VPS13C: variants seen among roughly 807,000 people sequenced by gnomAD.
VPS13C encodes the protein vacuolar protein sorting 13 homolog C, also known as intermembrane lipid transfer protein VPS13C.
A neutral mutation model predicts 456.8 loss-of-function variants in VPS13C; 358 were observed. The observed-to-expected ratio is 0.78, with a 90% CI of 0.72 to 0.86. The LOEUF (loss-of-function observed/expected upper bound fraction) is 0.86. VPS13C is among the 40% of genes least tolerant of loss of function. VPS13C has a pLI of 0.00. For missense variants in VPS13C, 4,818 were observed against 4,385.4 expected (o/e 1.10, Z -2.79); for synonymous variants, 1,578 against 1,486.7 (o/e 1.06, Z -1.41).
chr15:61,939,595 C>T (rs1438220126), intron 47 of VPS13C, among the ~76,000 whole-genome samples: 1 of 152,228 alleles, frequency 6.6e-6, no homozygotes, highest in Non-Finnish European at 1.5e-5. Flanking sequence ...CAGTTTCACA[C>T]ATAGGCACAC....
intron 79 of VPS13C, among the ~76,000 whole-genome samples, chr15:61,869,859 C>A (rs957386708): frequency 6.6e-6 from 1 of 152,166 alleles, no homozygotes; most frequent in African/African-American, 2.4e-5. Flanking sequence ...ACTCTGGGGG[C>A]GGGGCCAGCA....
At chr15:61,955,341 G>C (rs1007378964) in intron 37 of VPS13C, among the ~76,000 whole-genome samples, 1 of 152,008 alleles carries the variant, frequency 6.6e-6, no homozygotes, top group African/African-American at 2.4e-5. Flanking sequence ...GCTCAGTGTC[G>C]CACAAATGGC....
intron 3 of VPS13C, among the ~76,000 whole-genome samples, chr15:62,038,811 G>C (rs8040911): frequency 0.084 from 12,818 of 151,832 alleles, 1,182 homozygotes; most frequent in African/African-American, 0.23. Flanking sequence ...ACATTTCTCA[G>C]AATAAGAAAT....
Position 61,854,538 on chromosome 15 carries a change from C to A in VPS13C, c.11181G>T (p.Glu3727Asp). Residue 3727 changes from glutamate (E) to aspartate (D), a missense_variant, in exon 85 of 85, where the codon GAG becomes GAT. This residue lies in a region of VPS13C where 261 missense variants were observed against 234.1 expected (regional missense o/e 1.11). Transcript: ENST00000644861. ...ATAERACNAI[E>D]DAQSTRQQQK... The stretch of plus-strand genomic sequence containing the variant: ...GCTGCTGTCTCGTTGACTGTGCATC[C>A]TCAATGGCATTACATGCTCTCTGTA... The A allele has an allele frequency of 3.7e-6, 6 of 1,614,020 alleles. No homozygotes were observed. Among genetic ancestry groups the A allele is most frequent in the Non-Finnish European group, 5.1e-6 (6 of 1,179,962 alleles).
At chr15:62,012,866 C>G (rs142097667) in intron 11 of VPS13C, among the ~76,000 whole-genome samples, 173 bp downstream of exon 11, 307 of 152,012 alleles carry the variant, frequency 2.0e-3, no homozygotes, top group African/African-American at 6.9e-3. Context: ...AAAAACAAAA[C>G]TGCTTTTGTG....
intron 38 of VPS13C, among the ~76,000 whole-genome samples, chr15:61,952,299 A>C (rs1357236207): frequency 6.6e-6 from 1 of 152,188 alleles, no homozygotes; most frequent in Non-Finnish European, 1.5e-5. Context: ...GTAGGATATG[A>C]GGCAGCATCC....
chr15:62,046,108 T>C (rs2048393101), intron 1 of VPS13C, among the ~76,000 whole-genome samples: 1 of 151,782 alleles, frequency 6.6e-6, no homozygotes, highest in African/African-American at 2.4e-5. Context: ...AAAACTATAA[T>C]AAAGGAAGAA....
chr15:62,029,806 C>G (rs1407058675), intron 5 of VPS13C, among the ~76,000 whole-genome samples: 8 of 152,074 alleles, frequency 5.3e-5, no homozygotes, highest in Non-Finnish European at 2.9e-5. Flanking sequence ...TTTAACCTAG[C>G]ATTCTATCCC....
At position 61,896,172 on chromosome 15, in the gene VPS13C, G is replaced by C. The variant is rs183559078; in HGVS notation, c.9106-5772C>G. Among the ~76,000 whole-genome samples the C allele has an allele frequency of 1.4e-4, 21 of 152,214 alleles. No individual in the cohort carries two copies. The East Asian group carries it at 3.9e-3, about 28-fold the overall frequency. ...CAATAATAAAAAGTCTTCCCTCAAA[G>C]AAAAGCCAAGGACCTGATGGCTTCA... On this transcript the variant is annotated intron_variant, in intron 66 of 84. Transcript: ENST00000644861.
At chr15:61,995,632 T>C (rs1740023383) in intron 16 of VPS13C, among the ~76,000 whole-genome samples, 1 of 152,188 alleles carries the variant, frequency 6.6e-6, no homozygotes, top group African/African-American at 2.4e-5. Context: ...CTGAAGATGA[T>C]ATTTAGAAGC....
intron 15 of VPS13C, among the ~76,000 whole-genome samples, chr15:62,006,286 G>T (rs889398025): frequency 6.6e-6 from 1 of 151,982 alleles, no homozygotes; most frequent in Non-Finnish European, 1.5e-5. Flanking sequence ...CCCGGTGTGT[G>T]ATGTTCCCCT....
At chr15:61,958,115 G>T (rs1321673999) in intron 37 of VPS13C, among the ~76,000 whole-genome samples, 1 of 151,854 alleles carries the variant, frequency 6.6e-6, no homozygotes, top group Admixed American at 6.6e-5. Context: ...TTTTCTTTAA[G>T]TCAAAAGGGC....
chr15:62,004,451 T>C (rs1295353903), intron 15 of VPS13C, among the ~76,000 whole-genome samples: 2 of 151,610 alleles, frequency 1.3e-5, no homozygotes, highest in Admixed American at 6.6e-5. Context: ...ATCAATTTTG[T>C]TGATCCTTTC....
chr15:61,871,931 T>C, intron 79 of VPS13C, 58 bp downstream of exon 79: 2 of 1,465,332 alleles, frequency 1.4e-6, no homozygotes, highest in Non-Finnish European at 1.9e-6. Context: ...ATCTACTATG[T>C]TTACTAATAG....
intron 67 of VPS13C, among the ~76,000 whole-genome samples, chr15:61,889,660 C>G (rs1483464809): frequency 1.3e-5 from 2 of 152,018 alleles, no homozygotes; most frequent in Admixed American, 1.3e-4. Context: ...TCTAAATGGC[C>G]ACCCATTAAA....
intron 9 of VPS13C, among the ~76,000 whole-genome samples, chr15:62,014,949 T>C (rs1350020288): frequency 6.6e-6 from 1 of 152,062 alleles, no homozygotes; most frequent in African/African-American, 2.4e-5. Context: ...CAGAAAGTAA[T>C]ACAGACAACT....
chr15:61,914,146 C>T (rs1433299388), intron 61 of VPS13C, among the ~76,000 whole-genome samples: 4 of 152,126 alleles, frequency 2.6e-5, no homozygotes, highest in Non-Finnish European at 5.9e-5. Context: ...AATTACAATA[C>T]CATGTGTTAA....
chr15:61,945,966 C>T (rs2140273813), intron 44 of VPS13C, 84 bp from the exon 45 acceptor site: 1 of 1,172,484 alleles, frequency 8.5e-7, no homozygotes, highest in Non-Finnish European at 1.1e-6. Context: ...TCTCGTATTA[C>T]AGAATCCTTG....
chr15:61,891,511 C>T (rs895935300), intron 66 of VPS13C, among the ~76,000 whole-genome samples: 3 of 152,178 alleles, frequency 2.0e-5, no homozygotes, highest in African/African-American at 4.8e-5. Context: ...CTGTAAACTA[C>T]AAAATGTGCT....
Sources: gnomAD v4.1 joint callset for allele counts (sites outside exome capture counted in the v4.1 genomes callset) on GRCh38, gnomAD v4.1.1 for gene constraint, gnomAD v4.1.1 regional missense constraint, MANE v1.5 for transcripts, NCBI Gene and HGNC (gene_info 2026-07-23, HGNC 2026-07-21) for gene names.